The following KANSL2 variants were observed in gnomAD, a reference collection of about 807,000 sequenced individuals.
KANSL2 encodes the protein NSL complex protein NSL2.
In KANSL2, 34 loss-of-function variants were observed where a neutral mutation model predicts 55.6. That is an observed-to-expected ratio of 0.61 (90% CI 0.46 to 0.81). The LOEUF is 0.81. Ranked by LOEUF, KANSL2 falls within the 40% of genes least tolerant of loss-of-function variation. KANSL2 has a pLI of 0.00. For missense variants in KANSL2, 502 were observed against 609.9 expected (o/e 0.82, Z 1.86); for synonymous variants, 209 against 214.3 (o/e 0.98, Z 0.22).
At position 48,660,450 on chromosome 12, in the gene KANSL2, G is replaced by A. The variant is rs530713864; in HGVS notation, c.1143C>T (p.Asp381=). ...YKPEQVLSVP[D]DLEAGPMDLY... is the part of the protein sequence containing the mutation. ...GATCCATGGGGCCGGCTTCCAGATC[G>A]TCTGGCACAGACAGTACCTGCTCGG... The change falls in exon 8 of 10, where the codon GAC becomes GAT. Residue 381 remains aspartate, a synonymous_variant. Transcript: ENST00000420613. 1.6e-5 allele frequency: 26 copies of A among 1,613,886 alleles called. No individual in the cohort carries two copies. Among genetic ancestry groups the A allele is most frequent in the African/African-American group, 6.7e-5 (5 of 75,010 alleles).
chr12:48,679,533 T>C, intron 3 of KANSL2, 122 bp downstream of exon 3: 1 of 774,534 alleles, frequency 1.3e-6, no homozygotes, highest in South Asian at 1.9e-5. Flanking sequence ...AATCCCAGCA[T>C]TCTCACCAAA....
Position 48,662,755 on chromosome 12 carries a change from T to C in KANSL2, c.974-2136A>G, listed in dbSNP as rs1592099798. On this transcript the variant is annotated intron_variant, in intron 7 of 9. Transcript: ENST00000420613. ...AAAATACTTCCCTTCTCTTTTCAAA[T>C]ACATTTTCAATTTTGCTTTATATTT... 2 of 713,842 alleles carry C rather than the reference T, an allele frequency of 2.8e-6. 1 individual carries two copies. The highest frequency in any genetic ancestry group is 4.3e-5 in the South Asian group (2 of 46,294). The allele number at this position is 713,842 out of a possible 1,614,324, so 44.2% of individuals were successfully genotyped here.
chr12:48,658,704 C>A (rs1939435475), intron 8 of KANSL2: 1 of 152,174 alleles, frequency 6.6e-6, no homozygotes. Context: ...TTGCAGTGAG[C>A]CGAGATCGTG....
At chr12:48,667,815 T>C (rs1008032144) in intron 6 of KANSL2, 26 bp from the exon 7 acceptor site, 13 of 1,505,888 alleles carry the variant, frequency 8.6e-6, no homozygotes, top group Middle Eastern at 1.7e-4. Context: ...ACAGATAAAA[T>C]AGACCCACAA....
chr12:48,654,332 C>T lies in KANSL2; in HGVS notation c.1348-157G>A. 5.7e-6 allele frequency: 5 copies of T among 883,412 alleles called. No homozygotes were observed. The South Asian group carries it at 6.6e-5, about 12-fold the overall frequency. The allele number at this position is 883,412 out of a possible 1,614,324, so 54.7% of individuals were successfully genotyped here. On this transcript the variant is annotated intron_variant, in intron 9 of 9. Transcript: ENST00000420613. ...TCTTCCCATATTAGCTATCCTAGTC[C>T]CTTGGAAGAGCCTATTCCTGAGCCT... is the stretch of plus-strand genomic sequence containing the variant.
chr12:48,660,449 C>T lies in KANSL2; in HGVS notation c.1144G>A (p.Asp382Asn), dbSNP rs777161642. The T allele has an allele frequency of 7.4e-6, 12 of 1,613,930 alleles. No individual in the cohort carries two copies. The highest frequency in any genetic ancestry group is 3.3e-5 in the Admixed American group (2 of 60,004). ...KPEQVLSVPD[D>N]LEAGPMDLYL... ...AGATCCATGGGGCCGGCTTCCAGATCGTCTGGCACAGACAGTACCTGCTCG... is the reference window on the plus strand; with the variant it reads ...AGATCCATGGGGCCGGCTTCCAGATTGTCTGGCACAGACAGTACCTGCTCG... Residue 382 changes from aspartate to asparagine, a missense_variant, in exon 8 of 10, where the codon GAT becomes AAT. Transcript: ENST00000420613.
intron 1 of KANSL2, 91 bp from the exon 2 acceptor site, chr12:48,681,732 G>A: frequency 6.6e-7 from 1 of 1,520,786 alleles, no homozygotes; most frequent in South Asian, 1.1e-5. Flanking sequence ...CAAAGGACAT[G>A]CAGAAGTCGT....
chr12:48,674,302 G>A (rs868687971), intron 4 of KANSL2, among the ~76,000 whole-genome samples: 48 of 152,058 alleles, frequency 3.2e-4, no homozygotes, highest in Middle Eastern at 3.4e-3. Context: ...CACCACACCT[G>A]GCTAATTTTT....
intron 7 of KANSL2, among the ~76,000 whole-genome samples, chr12:48,666,647 C>T (rs1238278733): frequency 6.6e-6 from 1 of 151,342 alleles, no homozygotes; most frequent in East Asian, 1.9e-4. Context: ...GAGCCGAGAT[C>T]ACACCACTGC....
chr12:48,679,937 T>C (rs965460970), intron 2 of KANSL2, 104 bp from the exon 3 acceptor site: 3 of 1,022,368 alleles, frequency 2.9e-6, no homozygotes, highest in Non-Finnish European at 4.2e-6. Context: ...TTAAAATGAC[T>C]ATTACATTCA....
At chr12:48,678,565 T>TGTA (rs1051367803) in intron 4 of KANSL2, among the ~76,000 whole-genome samples, 4 of 152,230 alleles carry the variant, frequency 2.6e-5, no homozygotes, top group Non-Finnish European at 4.4e-5. Flanking sequence ...AACATCACAC[T>TGTA]GTACCCCATA....
chr12:48,672,025 A>G, intron 4 of KANSL2, 63 bp from the exon 5 acceptor site: 2 of 1,401,006 alleles, frequency 1.4e-6, no homozygotes, highest in South Asian at 3.0e-5. Flanking sequence ...CAAGTTTGAA[A>G]GAGTAGAGAT....
At chr12:48,654,349 C>A in intron 9 of KANSL2, 174 bp from the exon 10 acceptor site, 1 of 825,178 alleles carries the variant, frequency 1.2e-6, no homozygotes, top group South Asian at 1.3e-5. Flanking sequence ...AGAGCCTATT[C>A]CTGAGCCTCT....
chr12:48,679,234 C>T, intron 3 of KANSL2, 84 bp from the exon 4 acceptor site: 1 of 891,828 alleles, frequency 1.1e-6, no homozygotes, highest in Non-Finnish European at 1.8e-6. Context: ...TTTATCAACC[C>T]AAACCTTGAA....
chr12:48,662,670 A>C (rs1348869459), intron 7 of KANSL2: 2 of 1,285,484 alleles, frequency 1.6e-6, no homozygotes, highest in Non-Finnish European at 1.0e-6. Context: ...ATAAGGACTT[A>C]AGGAAGGGTA....
At chr12:48,681,263 A>G in intron 2 of KANSL2, 119 bp downstream of exon 2, 1 of 1,223,700 alleles carries the variant, frequency 8.2e-7, no homozygotes, top group Non-Finnish European at 1.1e-6. Flanking sequence ...CAAGGATACA[A>G]CCATAACCCC....
intron 2 of KANSL2, chr12:48,680,070 T>G (rs1349409653): frequency 2.2e-6 from 1 of 444,888 alleles, no homozygotes; most frequent in East Asian, 4.2e-5. Flanking sequence ...TTTGGGAGGC[T>G]GAGGCAAGGG....
At chr12:48,662,710 G>C in intron 7 of KANSL2, 1 of 1,209,876 alleles carries the variant, frequency 8.3e-7, no homozygotes, top group Non-Finnish European at 1.1e-6. Context: ...GAGTGGAAAG[G>C]AAAGAGCATA....
Position 48,667,799 on chromosome 12 carries a change from A to G in KANSL2, c.877-10T>C. ...AACGAGTGGTATGGGCCTGAAATGG[A>G]AAAAGACAGATAAAATAGACCCACA... On this transcript the variant is annotated splice_polypyrimidine_tract_variant and intron_variant, in intron 6 of 9. Coordinates refer to ENST00000420613, the MANE Select transcript of KANSL2 (RefSeq NM_017822.4). The G allele has an allele frequency of 6.3e-7, 1 of 1,596,726 alleles. No individual in the cohort carries two copies. The highest frequency in any genetic ancestry group is 8.6e-7 in the Non-Finnish European group (1 of 1,164,420).
Sources: allele counts gnomAD v4.1 joint callset (sites outside exome capture counted in the v4.1 genomes callset), GRCh38; gene constraint gnomAD v4.1.1; transcripts MANE v1.5; gene names NCBI Gene and HGNC (gene_info 2026-07-23, HGNC 2026-07-21).